Variants in RNLS observed in about 807,000 individuals in gnomAD.
RNLS encodes renalase.
In RNLS, 39 loss-of-function variants were observed where a neutral mutation model predicts 39.8. The ratio of observed to expected loss-of-function variants is 0.98; its 90% confidence interval spans 0.76 to 1.28. The LOEUF is 1.28. Ranked by LOEUF, RNLS falls within the 50% of genes most tolerant of loss-of-function variation. The probability of loss-of-function intolerance (pLI) is 0.00; values close to 1 mark genes in which losing one functional copy is unlikely to be tolerated. For missense variants in RNLS, 410 were observed against 413.3 expected, an observed-to-expected ratio of 0.99 and a Z score of 0.07; for synonymous variants, 147 against 150.7, an observed-to-expected ratio of 0.98 and a Z score of 0.18.
At chr10:88,458,152 C>T (rs1185712612) in intron 4 of RNLS, among the ~76,000 whole-genome samples, 1 of 152,208 alleles carries the variant, frequency 6.6e-6, no homozygotes, top group African/African-American at 2.4e-5. Context: ...TCTGGGTTAG[C>T]TTTCCCTTCT....
chr10:88,343,613 T>A, intron 5 of RNLS: 1 of 985,350 alleles, frequency 1.0e-6, no homozygotes, highest in Non-Finnish European at 1.2e-6. Context: ...TCCTCTATTT[T>A]CCTTGTATTC....
chr10:88,420,761 A>G (rs923224138), intron 4 of RNLS, among the ~76,000 whole-genome samples: 4 of 152,238 alleles, frequency 2.6e-5, no homozygotes, highest in Non-Finnish European at 5.9e-5. Flanking sequence ...GTGGGGAGGA[A>G]GCATCCTTCA....
At chr10:88,404,356 T>A (rs961542708) in intron 4 of RNLS, among the ~76,000 whole-genome samples, 14 of 152,060 alleles carry the variant, frequency 9.2e-5, no homozygotes, top group African/African-American at 2.9e-4. Flanking sequence ...TAAGCCTGTT[T>A]CATCATCTGG....
chr10:88,330,506 A>G (rs925537152), intron 5 of RNLS, among the ~76,000 whole-genome samples: 1 of 152,148 alleles, frequency 6.6e-6, no homozygotes. Flanking sequence ...TAAATAATAT[A>G]GGCTTTTTAA....
At chr10:88,346,442 C>T (rs1273518602) in intron 5 of RNLS, among the ~76,000 whole-genome samples, 2 of 152,124 alleles carry the variant, frequency 1.3e-5, no homozygotes, top group African/African-American at 4.8e-5. Flanking sequence ...AAAGAGGCTT[C>T]TAATCATTCT....
chr10:88,401,567 G>A (rs1212226310), intron 4 of RNLS, among the ~76,000 whole-genome samples: 1 of 152,020 alleles, frequency 6.6e-6, no homozygotes, highest in Non-Finnish European at 1.5e-5. Flanking sequence ...TTCTCTTGCA[G>A]TTCTACTGTA....
At chr10:88,521,616 T>C (rs1846741460) in intron 4 of RNLS, among the ~76,000 whole-genome samples, 1 of 152,064 alleles carries the variant, frequency 6.6e-6, no homozygotes. Flanking sequence ...GCAACTATCA[T>C]AACTGGCAAC....
At chr10:88,482,552 G>A (rs192933128) in intron 4 of RNLS, among the ~76,000 whole-genome samples, 215 of 151,912 alleles carry the variant, frequency 1.4e-3, no homozygotes, top group Non-Finnish European at 2.5e-3. Flanking sequence ...GTTGAGTCAC[G>A]TTGTCATAAT....
At chr10:88,515,624 C>T (rs918560656) in intron 4 of RNLS, among the ~76,000 whole-genome samples, 4 of 152,064 alleles carry the variant, frequency 2.6e-5, no homozygotes, top group African/African-American at 9.7e-5. Flanking sequence ...TTAGCTACTT[C>T]CCTGCTTTCT....
At chr10:88,516,955 C>T (rs1000302000) in intron 4 of RNLS, among the ~76,000 whole-genome samples, 4 of 151,900 alleles carry the variant, frequency 2.6e-5, no homozygotes, top group Non-Finnish European at 5.9e-5. Flanking sequence ...AATACACCAA[C>T]CATTAAGTGA....
At chr10:88,388,035 C>T (rs1302674356) in intron 4 of RNLS, among the ~76,000 whole-genome samples, 1 of 152,160 alleles carries the variant, frequency 6.6e-6, no homozygotes, top group Non-Finnish European at 1.5e-5. Context: ...TGGGGTGTAT[C>T]ACAGTCGCCT....
At position 88,445,690 on chromosome 10, in the gene RNLS, A is replaced by G. The variant is rs1446398988; in HGVS notation, c.527-82965T>C. Among the ~76,000 whole-genome samples the G allele has an allele frequency of 2.0e-5, 3 of 152,200 alleles. No homozygotes were observed. The East Asian group carries it at 5.8e-4, about 29-fold the overall frequency. ...TAGTCTCTGATAAAACAGACTGTAA[A>G]CCAACAAAGATCAAAAGAGACAAAC... On this transcript the variant is annotated intron_variant, in intron 4 of 6. Transcript: ENST00000331772.
At chr10:88,478,893 CTCTT>C (rs780544218) in intron 4 of RNLS, among the ~76,000 whole-genome samples, 8 of 145,196 alleles carry the variant, frequency 5.5e-5, no homozygotes, top group African/African-American at 1.3e-4. Context: ...TTCTTTCTTT[CTCTT>C]TCTTTCTTTC....
At chr10:88,575,781 C>T (rs2067604339) in intron 3 of RNLS, among the ~76,000 whole-genome samples, 1 of 143,386 alleles carries the variant, frequency 7.0e-6, no homozygotes, top group South Asian at 2.3e-4. Context: ...TGCATAAAAC[C>T]CTTCAATGGC....
chr10:88,243,986 C>A, the RNLS span, among the ~76,000 whole-genome samples: 1 of 152,228 alleles, frequency 6.6e-6, no homozygotes, highest in African/African-American at 2.4e-5. Flanking sequence ...CTTGGCCCAA[C>A]CCCAGGACTG....
chr10:88,303,292 C>T (rs1413797563), intron 6 of RNLS, among the ~76,000 whole-genome samples: 1 of 152,186 alleles, frequency 6.6e-6, no homozygotes, highest in African/African-American at 2.4e-5. Flanking sequence ...CAGGGATGGC[C>T]ATGCCCCTAG....
intron 4 of RNLS, among the ~76,000 whole-genome samples, chr10:88,370,094 C>A (rs574378112): frequency 6.6e-6 from 1 of 152,250 alleles, no homozygotes; most frequent in African/African-American, 2.4e-5. Context: ...TCTAGGAAAG[C>A]ACTCTGAAGC....
At chr10:88,290,328 C>T (rs1843580366) in intron 6 of RNLS, among the ~76,000 whole-genome samples, 1 of 152,096 alleles carries the variant, frequency 6.6e-6, no homozygotes. Context: ...ACAAACCTTT[C>T]TGAAACATGG....
chr10:88,390,357 T>C (rs1334704708), intron 4 of RNLS, among the ~76,000 whole-genome samples: 1 of 152,224 alleles, frequency 6.6e-6, no homozygotes, highest in East Asian at 1.9e-4. Context: ...AGGAAGTTTT[T>C]AATATTCGTT....
Sources: gnomAD v4.1 joint callset for allele counts (sites outside exome capture counted in the v4.1 genomes callset) on GRCh38, gnomAD v4.1.1 for gene constraint, MANE v1.5 for transcripts, NCBI Gene and HGNC (gene_info 2026-07-23, HGNC 2026-07-21) for gene names.